CFAP58: variants seen among roughly 807,000 people sequenced by gnomAD.
CFAP58 encodes the protein cilia- and flagella-associated protein 58.
In CFAP58, 88 loss-of-function variants were observed where a neutral mutation model predicts 119.5. The ratio of observed to expected loss-of-function variants is 0.74; its 90% CI spans 0.62 to 0.88. CFAP58 has a LOEUF of 0.88. CFAP58 is among the 40% of genes least tolerant of loss of function. The pLI is 0.00. For missense variants in CFAP58, 990 were observed against 1,021.2 expected, an observed-to-expected ratio of 0.97 and a Z score of 0.42; for synonymous variants, 365 against 366.3, an observed-to-expected ratio of 1.00 and a Z score of 0.04.
chr10:104,423,506 C>T (rs1291515451), intron 15 of CFAP58, among the ~76,000 whole-genome samples: 4 of 149,420 alleles, frequency 2.7e-5, no homozygotes, highest in Non-Finnish European at 4.4e-5. Context: ...GTATTAGAAA[C>T]AATTCAAGCT....
At chr10:104,357,973 ATG>A (rs1193424487) in intron 1 of CFAP58, among the ~76,000 whole-genome samples, 53 of 138,372 alleles carry the variant, frequency 3.8e-4, no homozygotes, top group East Asian at 1.0e-3. Flanking sequence ...ATGTACACAT[ATG>A]TACATATGTA....
chr10:104,442,149 A>C (rs886971445), intron 15 of CFAP58, among the ~76,000 whole-genome samples: 1 of 152,156 alleles, frequency 6.6e-6, no homozygotes, highest in Non-Finnish European at 1.5e-5. Context: ...GGGATGGAAA[A>C]AGGACTGAAA....
intron 9 of CFAP58, among the ~76,000 whole-genome samples, chr10:104,382,657 T>C (rs1329976854): frequency 6.6e-6 from 1 of 152,190 alleles, no homozygotes; most frequent in Non-Finnish European, 1.5e-5. Context: ...GGAGGAGTTT[T>C]CCCTAAGCTG....
intron 15 of CFAP58, among the ~76,000 whole-genome samples, chr10:104,422,920 T>C (rs1256149189): frequency 6.6e-6 from 1 of 152,164 alleles, no homozygotes; most frequent in East Asian, 1.9e-4. Flanking sequence ...TTTGGGGAGA[T>C]TGAGTGGAGA....
chr10:104,388,124 A>C (rs1374516224), intron 9 of CFAP58, among the ~76,000 whole-genome samples: 1 of 152,238 alleles, frequency 6.6e-6, no homozygotes, highest in East Asian at 1.9e-4. Context: ...TCCTGGAGAG[A>C]GGAATCAAGG....
chr10:104,437,450 A>G (rs1421223577), intron 15 of CFAP58, among the ~76,000 whole-genome samples: 1 of 152,270 alleles, frequency 6.6e-6, no homozygotes, highest in African/African-American at 2.4e-5. Context: ...CCATTCTGAC[A>G]TCATTGGTCC....
chr10:104,407,019 T>TTA (rs1419126904), intron 15 of CFAP58, among the ~76,000 whole-genome samples: 1 of 152,236 alleles, frequency 6.6e-6, no homozygotes, highest in Non-Finnish European at 1.5e-5. Context: ...AAGGCTAGAC[T>TTA]TACTGCAATG....
At chr10:104,369,709 T>C (rs2014797711) in intron 6 of CFAP58, among the ~76,000 whole-genome samples, 1 of 152,210 alleles carries the variant, frequency 6.6e-6, no homozygotes, top group Non-Finnish European at 1.5e-5. Context: ...ACTATTTCTG[T>C]TATCAGATCA....
At chr10:104,356,629 C>T (rs141780936) in intron 1 of CFAP58, among the ~76,000 whole-genome samples, 32 of 151,924 alleles carry the variant, frequency 2.1e-4, no homozygotes, top group Middle Eastern at 3.5e-3. Context: ...GTCCCTCACT[C>T]CCTAGCTTCC....
Position 104,393,473 on chromosome 10 carries a change from A to C in CFAP58, c.1672A>C (p.Lys558Gln). The C allele has an allele frequency of 6.2e-7, 1 of 1,613,476 alleles. No individual in the cohort carries two copies. Among genetic ancestry groups the C allele is most frequent in the East Asian group, 2.2e-5 (1 of 44,878 alleles). ...AATAGAAAAGGAAAAGGAAACATTG[A>C]AGGTACTGACCTCATAGTAAAAGCA... ...QRIEKEKETL[K>Q]AELQKLRQQA... Residue 558 changes from lysine (K) to glutamine (Q), a missense_variant and splice_region_variant, in exon 11 of 18, where the codon AAG becomes CAG. Physicochemically the swap from Lys to Gln is moderately conservative, Grantham distance 53. Transcript: ENST00000369704.
chr10:104,364,848 A>G lies in CFAP58; in HGVS notation c.556A>G (p.Thr186Ala). Residue 186 changes from threonine (T) to alanine (A), a missense_variant, in exon 4 of 18, where the codon ACA becomes GCA. Transcript: ENST00000369704. ...LAQTTEQQQE[T>A]ERSKEEAEHA... ...TCAGACCACTGAACAGCAGCAGGAA[A>G]CAGAGCGATCAAAAGAGGAGGCTGA... 6.2e-7 allele frequency: 1 copy of G among 1,612,114 alleles called. No homozygotes were observed. Among genetic ancestry groups the G allele is most frequent in the South Asian group, 1.1e-5 (1 of 90,936 alleles).
intron 7 of CFAP58, among the ~76,000 whole-genome samples, chr10:104,376,547 C>T (rs1041522384): frequency 6.7e-6 from 1 of 149,700 alleles, no homozygotes; most frequent in African/African-American, 2.5e-5. Context: ...ACATTTTTGG[C>T]GTTGGAGAAA....
At chr10:104,364,427 A>AAC (rs66757511) in intron 3 of CFAP58, among the ~76,000 whole-genome samples, 17,231 of 142,062 alleles carry the variant, frequency 0.12, 1,064 homozygotes, top group African/African-American at 0.17. Flanking sequence ...ATGTCTGTAA[A>AAC]ACACACACAC....
intron 7 of CFAP58, among the ~76,000 whole-genome samples, chr10:104,373,609 G>A (rs1244350877): frequency 6.6e-6 from 1 of 152,056 alleles, no homozygotes; most frequent in African/African-American, 2.4e-5. Context: ...AACTATGATT[G>A]CACATACTGC....
intron 15 of CFAP58, among the ~76,000 whole-genome samples, chr10:104,439,665 A>G (rs1215068175): frequency 6.6e-6 from 1 of 152,004 alleles, no homozygotes; most frequent in Non-Finnish European, 1.5e-5. Flanking sequence ...TGATTGTGCG[A>G]CTGCAATCCA....
At chr10:104,356,021 G>C (rs1239857119) in intron 1 of CFAP58, among the ~76,000 whole-genome samples, 1 of 152,184 alleles carries the variant, frequency 6.6e-6, no homozygotes, top group African/African-American at 2.4e-5. Context: ...CTTATGTTTA[G>C]CATCAACAAG....
chr10:104,344,608 TG>T, the CFAP58 span, among the ~76,000 whole-genome samples: 1,361 of 151,250 alleles, frequency 9.0e-3, 40 homozygotes, highest in African/African-American at 0.031. Context: ...TTTCTTAATG[TG>T]GTCTTTTATA....
chr10:104,444,718 A>G (rs893515921), intron 15 of CFAP58, among the ~76,000 whole-genome samples: 1 of 152,234 alleles, frequency 6.6e-6, no homozygotes, highest in African/African-American at 2.4e-5. Context: ...AGCATTGACC[A>G]AAATTCACGC....
chr10:104,429,207 G>T (rs1377106059), intron 15 of CFAP58, among the ~76,000 whole-genome samples: 1 of 152,076 alleles, frequency 6.6e-6, no homozygotes. Context: ...TGCTGTGGGG[G>T]TCACTCAGAA....
Sources: allele counts gnomAD v4.1 joint callset (sites outside exome capture counted in the v4.1 genomes callset), GRCh38; gene constraint gnomAD v4.1.1; transcripts MANE v1.5; gene names NCBI Gene and HGNC (gene_info 2026-07-23, HGNC 2026-07-21).